Variants in PMFBP1 observed in about 807,000 individuals in gnomAD.
PMFBP1 encodes polyamine-modulated factor 1-binding protein 1.
Under a neutral mutation model 137.8 loss-of-function variants are expected in PMFBP1, and 131 were observed. The ratio of observed to expected loss-of-function variants is 0.95; its 90% confidence interval spans 0.82 to 1.10. The LOEUF is 1.10. Among genes scored for constraint, PMFBP1 ranks in the 50% least tolerant of loss-of-function variants. PMFBP1 has a pLI of 0.00. For missense variants in PMFBP1, 1,199 were observed against 1,175.4 expected (o/e 1.02, Z -0.29); for synonymous variants, 490 against 450.4 (o/e 1.09, Z -1.11).
chr16:72,197,314 T>TA, the PMFBP1 span, among the ~76,000 whole-genome samples: 1 of 152,156 alleles, frequency 6.6e-6, no homozygotes. Flanking sequence ...TTGACTAAGG[T>TA]AAAAAAGCAT....
chr16:72,181,266 TTA>T (rs1408715965), upstream of PMFBP1, among the ~76,000 whole-genome samples: 6 of 149,178 alleles, frequency 4.0e-5, no homozygotes, highest in Admixed American at 4.1e-4. Context: ...ATAATAATAA[TTA>T]AATTAAATTA....
chr16:72,223,420 T>C, the PMFBP1 span, among the ~76,000 whole-genome samples: 2 of 152,224 alleles, frequency 1.3e-5, no homozygotes, highest in Non-Finnish European at 2.9e-5. Flanking sequence ...AAGGCTCTTG[T>C]AACCCAGAAG....
At chr16:72,170,054 A>G (rs553165675) in intron 2 of PMFBP1, among the ~76,000 whole-genome samples, 1 of 152,072 alleles carries the variant, frequency 6.6e-6, no homozygotes, top group East Asian at 1.9e-4. Flanking sequence ...CTATCATATC[A>G]TTTGAGAAAT....
At chr16:72,201,636 C>G in the PMFBP1 span, among the ~76,000 whole-genome samples, 11 of 152,234 alleles carry the variant, frequency 7.2e-5, no homozygotes. Flanking sequence ...TGAAGCAGAT[C>G]AAGGCATTGC....
chr16:72,125,499 C>A (rs1237598267), intron 15 of PMFBP1, 94 bp from the exon 16 acceptor site: 1 of 1,384,116 alleles, frequency 7.2e-7, no homozygotes, highest in African/African-American at 1.5e-5. Flanking sequence ...CCCTTCCTGT[C>A]CTCTGCCCAG....
the PMFBP1 span, among the ~76,000 whole-genome samples, chr16:72,249,408 C>T: frequency 1.3e-5 from 2 of 150,884 alleles, no homozygotes; most frequent in African/African-American, 2.4e-5. Context: ...TGTGTGTTTC[C>T]TTTCATTAGC....
At chr16:72,177,447 T>G (rs2043262911), upstream of PMFBP1, among the ~76,000 whole-genome samples, 1 of 152,190 alleles carries the variant, frequency 6.6e-6, no homozygotes, top group East Asian at 1.9e-4. Context: ...TTATGGTTGT[T>G]TGTGATTTGC....
chr16:72,152,758 T>C (rs1597481858), intron 4 of PMFBP1, among the ~76,000 whole-genome samples: 2 of 144,976 alleles, frequency 1.4e-5, no homozygotes, highest in South Asian at 4.3e-4. Flanking sequence ...GGCAGGAGAG[T>C]CACTTGAACT....
intron 19 of PMFBP1, among the ~76,000 whole-genome samples, chr16:72,121,172 G>A (rs894773007): frequency 6.6e-6 from 1 of 152,160 alleles, no homozygotes; most frequent in Non-Finnish European, 1.5e-5. Context: ...TTTTCTAGAG[G>A]AAATCAAGTA....
chr16:72,205,635 C>T, the PMFBP1 span, among the ~76,000 whole-genome samples: 42 of 152,264 alleles, frequency 2.8e-4, no homozygotes, highest in Admixed American at 1.1e-3. Context: ...GGCACACACA[C>T]TTAGTGCACA....
In PMFBP1 at chr16:72,120,015, ATCT is replaced by A. The variant is rs746555224; in HGVS notation, c.2840_2842del (p.Lys947del). Reference sequence around the variant, plus strand: ...GCATAGCCTTGTGTTCTCGGCTTTCATCTTCTTCTCTTCTATCTCCTTCTTCAG... The same window carrying A: ...GCATAGCCTTGTGTTCTCGGCTTTCATCTTCTCTTCTATCTCCTTCTTCAG... On this transcript the variant is annotated inframe_deletion, in exon 20 of 21. Coordinates refer to ENST00000237353, the MANE Select transcript of PMFBP1 (RefSeq NM_031293.3). 1.1e-5 allele frequency: 18 copies of A among 1,613,928 alleles called. No individual in the cohort carries two copies. The highest frequency in any genetic ancestry group is 4.5e-5 in the East Asian group (2 of 44,860).
chr16:72,135,848 G>C (rs566183339), intron 9 of PMFBP1, among the ~76,000 whole-genome samples: 3 of 147,908 alleles, frequency 2.0e-5, no homozygotes, highest in Non-Finnish European at 4.4e-5. Flanking sequence ...TGGGCTCAAG[G>C]GGCTCATGTG....
chr16:72,126,202 G>C, intron 14 of PMFBP1, 70 bp from the exon 15 acceptor site: 4 of 1,533,574 alleles, frequency 2.6e-6, no homozygotes, highest in Non-Finnish European at 3.5e-6. Context: ...TGTGCCTATA[G>C]GAAATGAACA....
At chr16:72,171,303 A>G (rs1173591393) in intron 1 of PMFBP1, 35 bp from the exon 2 acceptor site, 2 of 1,380,732 alleles carry the variant, frequency 1.4e-6, no homozygotes, top group Non-Finnish European at 2.0e-6. Flanking sequence ...TGGAAAAAGT[A>G]TAAATGAGCC....
intron 17 of PMFBP1, among the ~76,000 whole-genome samples, 171 bp from the exon 18 acceptor site, chr16:72,123,820 G>A (rs2042413202): frequency 6.6e-6 from 1 of 152,160 alleles, no homozygotes; most frequent in Non-Finnish European, 1.5e-5. Context: ...TGGCTTGTGC[G>A]GGTGGCATCT....
At chr16:72,138,678 G>C (rs1266883795) in intron 7 of PMFBP1, among the ~76,000 whole-genome samples, 1 of 151,994 alleles carries the variant, frequency 6.6e-6, no homozygotes, top group African/African-American at 2.4e-5. Context: ...ACCACACCTG[G>C]CTAATTTTCG....
the PMFBP1 span, among the ~76,000 whole-genome samples, chr16:72,214,723 T>C: frequency 3.9e-5 from 6 of 152,192 alleles, no homozygotes; most frequent in East Asian, 3.8e-4. Flanking sequence ...AATAGGCTAA[T>C]TGACTATGTG....
At chr16:72,153,339 C>A (rs1255012702) in intron 4 of PMFBP1, among the ~76,000 whole-genome samples, 1 of 152,192 alleles carries the variant, frequency 6.6e-6, no homozygotes, top group African/African-American at 2.4e-5. Flanking sequence ...TACCTAAAGT[C>A]CTTGAAGTTA....
chr16:72,164,527 G>A (rs117352034), intron 3 of PMFBP1: 69 of 1,368,534 alleles, frequency 5.0e-5, no homozygotes, highest in African/African-American at 8.6e-5. Context: ...GGAAAACATC[G>A]TGCCTAGGAT....
Sources: allele counts gnomAD v4.1 joint callset (sites outside exome capture counted in the v4.1 genomes callset), GRCh38; gene constraint gnomAD v4.1.1; transcripts MANE v1.5; gene names NCBI Gene and HGNC (gene_info 2026-07-23, HGNC 2026-07-21).